TFRC: variants seen among roughly 807,000 people sequenced by gnomAD.
TFRC encodes the protein transferrin receptor.
In TFRC, 35 loss-of-function variants were observed where a neutral mutation model predicts 85.8. The ratio of observed to expected loss-of-function variants is 0.41; its 90% CI spans 0.31 to 0.54. TFRC has a LOEUF of 0.54. Ranked by LOEUF, TFRC falls within the 20% of genes least tolerant of loss-of-function variation. TFRC has a pLI of 0.31. For synonymous variants in TFRC, 362 were observed against 328.6 expected (o/e 1.10, Z -1.10); for missense variants, 828 against 921.5 (o/e 0.90, Z 1.31).
chr3:196,074,665 G>A (rs1302696482), intron 3 of TFRC, among the ~76,000 whole-genome samples: 3 of 151,968 alleles, frequency 2.0e-5, no homozygotes, highest in Non-Finnish European at 2.9e-5. Flanking sequence ...CAGATCACGA[G>A]GTCAGGAGTT....
In TFRC at chr3:196,055,187, C is replaced by T. The variant is rs144131234; in HGVS notation, c.1792G>A (p.Val598Met). 107 of 1,614,210 alleles carry T rather than the reference C, an allele frequency of 6.6e-5. 1 individual carries two copies. The African/African-American group carries it at 9.1e-4, about 14-fold the overall frequency. Residue 598 changes from valine to methionine, a missense_variant, in exon 17 of 19, where the codon GTG becomes ATG. Coordinates refer to ENST00000360110, the MANE Select transcript of TFRC (RefSeq NM_001128148.3). Reference protein sequence around the residue: ...RAAAEVAGQFVIKLTHDVELN... With the variant: ...RAAAEVAGQFMIKLTHDVELN... ...TCAACATCATGGGTTAGTTTAATCA[C>T]GAACTGACCAGCGACCTCTGCAGCT...
chr3:196,065,818 C>T (rs538352592), intron 9 of TFRC, among the ~76,000 whole-genome samples: 1 of 151,944 alleles, frequency 6.6e-6, no homozygotes, highest in East Asian at 1.9e-4. Context: ...GGTGAAACCC[C>T]GACTCTACTA....
At position 196,065,549 on chromosome 3, in the gene TFRC, C is replaced by T. The variant is rs767557507; in HGVS notation, c.1092G>A (p.Arg364=). The T allele has an allele frequency of 1.9e-6, 3 of 1,612,550 alleles. No homozygotes were observed. Among genetic ancestry groups the T allele is most frequent in the Non-Finnish European group, 2.5e-6 (3 of 1,179,572 alleles). The part of the protein sequence containing the change: ...PSDWKTDSTC[R]MVTSESKNVK... ...CATTCTTGCTTTCTGAGGTTACCAT[C>T]CTACATGTAGAGTCTGTTTTCCAGT... is the stretch of plus-strand genomic sequence containing the variant. The change falls in exon 10 of 19, where the codon AGG becomes AGA. Residue 364 remains arginine, a synonymous_variant. Coordinates refer to ENST00000360110, the MANE Select transcript of TFRC (RefSeq NM_001128148.3).
chr3:196,063,896 G>A (rs1717492429), intron 11 of TFRC, among the ~76,000 whole-genome samples: 1 of 150,468 alleles, frequency 6.6e-6, no homozygotes, highest in South Asian at 2.2e-4. Flanking sequence ...ACTCCAGCCT[G>A]GGCAACAGAG....
In TFRC at chr3:196,051,525, G is replaced by GT; in HGVS notation, c.*416dup. ...CATTTGGAGAAGGTCTTTCAACCTG[G>GT]TATCTCCTATTTAGCATCAAATGAA... On this transcript the variant is annotated 3_prime_UTR_variant, in exon 19 of 19. Transcript: ENST00000360110. 4.3e-6 allele frequency: 1 copy of GT among 231,130 alleles called. No individual in the cohort carries two copies. Among genetic ancestry groups the GT allele is most frequent in the Non-Finnish European group, 8.6e-6 (1 of 116,534 alleles). The allele number at this position is 231,130 out of a possible 1,614,324, so 14.3% of individuals were successfully genotyped here.
intron 7 of TFRC, 79 bp from the exon 8 acceptor site, chr3:196,068,209 A>C (rs1182776029): frequency 1.0e-6 from 1 of 986,558 alleles, no homozygotes; most frequent in Admixed American, 2.3e-5. Flanking sequence ...ATTATGCTAA[A>C]GGCCAAATGG....
chr3:196,072,202 A>G (rs779258551), intron 4 of TFRC, 50 bp from the exon 5 acceptor site: 5 of 1,595,042 alleles, frequency 3.1e-6, no homozygotes, highest in Non-Finnish European at 2.6e-6. Context: ...TTTAAAATAA[A>G]CATTTAAGTC....
chr3:196,070,776 A>ATAATAAT (rs1718125184), intron 6 of TFRC, among the ~76,000 whole-genome samples: 1 of 120,548 alleles, frequency 8.3e-6, no homozygotes. Context: ...TCTCTACCAA[A>ATAATAAT]TAATAATAAT....
At chr3:196,064,577 A>G in intron 10 of TFRC, 149 bp from the exon 11 acceptor site, 1 of 686,176 alleles carries the variant, frequency 1.5e-6, no homozygotes, top group Non-Finnish European at 2.1e-6. Flanking sequence ...AACTCTGGGA[A>G]TTAAAAATTC....
intron 7 of TFRC, among the ~76,000 whole-genome samples, 157 bp downstream of exon 7, chr3:196,069,298 C>T (rs1717997094): frequency 6.6e-6 from 1 of 152,078 alleles, no homozygotes; most frequent in Non-Finnish European, 1.5e-5. Flanking sequence ...GTGGAACTTA[C>T]TTCATTTGTT....
Position 196,068,113 on chromosome 3 carries a change from G to A in TFRC, c.819C>T (p.Ser273=). 6.2e-7 allele frequency: 1 copy of A among 1,611,968 alleles called. No individual in the cohort carries two copies. The highest frequency in any genetic ancestry group is 1.3e-5 in the African/African-American group (1 of 74,970). ...TFAEKVANAE[S]LNAIGVLIYM... The stretch of plus-strand genomic sequence containing the variant: ...ATATCAACACACCAATTGCATTTAA[G>A]CTTTCAGCATTTGCAACCTAAAAGA... The change falls in exon 8 of 19, where the codon AGC becomes AGT. Residue 273 remains serine, a synonymous_variant. Coordinates refer to ENST00000360110, the MANE Select transcript of TFRC (RefSeq NM_001128148.3).
Position 196,065,426 on chromosome 3 carries a change from G to GGGGT in TFRC, c.1198+16_1198+17insACCC. ...CAAAAAAAAAGCGGGGCGGGGGGGG[G>GGGGT]GGGGGGCGGTCTTTACCTGGTTCTA... On this transcript the variant is annotated intron_variant, in intron 10 of 18. Transcript: ENST00000360110. The GGGGT allele has an allele frequency of 1.4e-6, 1 of 692,206 alleles. No homozygotes were observed. The highest frequency in any genetic ancestry group is 2.0e-6 in the Non-Finnish European group (1 of 509,644). 42.9% of individuals were successfully genotyped at this position (692,206 alleles called of 1,614,324 possible).
At chr3:196,055,698 A>C in intron 16 of TFRC, 1 of 277,240 alleles carries the variant, frequency 3.6e-6, no homozygotes, top group Non-Finnish European at 7.0e-6. Context: ...GCTAGAGTGC[A>C]GTGATGCAAT....
At chr3:196,077,164 T>C in intron 1 of TFRC, 42 bp from the exon 2 acceptor site, 2 of 1,431,736 alleles carry the variant, frequency 1.4e-6, no homozygotes, top group Non-Finnish European at 2.0e-6. Context: ...GATACTACTG[T>C]ATCAGATTAG....
intron 4 of TFRC, among the ~76,000 whole-genome samples, chr3:196,073,302 A>AC (rs1409110678): frequency 1.3e-5 from 2 of 151,690 alleles, no homozygotes; most frequent in Admixed American, 1.3e-4. Flanking sequence ...AAAAAAAAAA[A>AC]AAAAAAATTA....
chr3:196,076,750 C>T (rs1322509384), intron 2 of TFRC, among the ~76,000 whole-genome samples: 4 of 152,024 alleles, frequency 2.6e-5, no homozygotes, highest in Non-Finnish European at 4.4e-5. Flanking sequence ...TGAGCCACAG[C>T]GCCCCGCAAG....
At chr3:196,078,602 A>G (rs1718904306) in intron 1 of TFRC, among the ~76,000 whole-genome samples, 1 of 151,698 alleles carries the variant, frequency 6.6e-6, no homozygotes. Context: ...GGTTGCAGTG[A>G]GCCGAGATGG....
chr3:196,051,722 C>A lies in TFRC; in HGVS notation c.*220G>T. 1.9e-6 allele frequency: 1 copy of A among 531,606 alleles called. No individual in the cohort carries two copies. 32.9% of individuals were successfully genotyped at this position (531,606 alleles called of 1,614,324 possible). A position where few individuals can be genotyped will look rare whatever the true frequency, so the allele number is the denominator to read the frequency against. On this transcript the variant is annotated 3_prime_UTR_variant, in exon 19 of 19. Coordinates refer to ENST00000360110, the MANE Select transcript of TFRC (RefSeq NM_001128148.3). ...AAAATTCTAGAGATAGGGGAATATT[C>A]CATCATGGACATTTTTTAAGTGGTT...
In TFRC at chr3:196,072,030, T is replaced by C. The variant is rs1718253026; in HGVS notation, c.557A>G (p.His186Arg). The C allele has an allele frequency of 6.2e-6, 10 of 1,613,372 alleles. No homozygotes were observed. The highest frequency in any genetic ancestry group is 1.3e-5 in the African/African-American group (1 of 74,914). ...GTCTTTGACCTGAATCTTAACAAAA[T>C]GTTGATCACGCCAGACTTTGCTGAG... ...FKLSKVWRDQ[H>R]FVKIQVKDSA... Residue 186 changes from histidine to arginine, a missense_variant, in exon 5 of 19, where the codon CAT becomes CGT. Physicochemically the swap from His to Arg is conservative, Grantham distance 29 (BLOSUM62 0). Transcript: ENST00000360110.
Sources: gnomAD v4.1 joint callset for allele counts (sites outside exome capture counted in the v4.1 genomes callset) on GRCh38, gnomAD v4.1.1 for gene constraint, MANE v1.5 for transcripts, NCBI Gene and HGNC (gene_info 2026-07-23, HGNC 2026-07-21) for gene names.